The following ARID3B variants were observed in gnomAD, a reference collection of about 807,000 sequenced individuals.
ARID3B encodes AT-rich interactive domain-containing protein 3B.
ARID3B carries 10 observed loss-of-function variants against 51.9 expected under a neutral mutation model. The observed-to-expected ratio is 0.19, with a 90% CI of 0.12 to 0.33. The LOEUF (loss-of-function observed/expected upper bound fraction) is 0.33, where lower values mean the gene tolerates loss of function less well. Among genes scored for constraint, ARID3B ranks in the 10% least tolerant of loss-of-function variants. ARID3B has a pLI of 1.00. For missense variants in ARID3B, 483 were observed against 716.3 expected (o/e 0.67, Z 3.72); for synonymous variants, 205 against 279.5 (o/e 0.73, Z 2.66).
chr15:74,544,581 C>T, intron 2 of ARID3B, 93 bp downstream of exon 2: 1 of 1,315,030 alleles, frequency 7.6e-7, no homozygotes, highest in Non-Finnish European at 1.0e-6. Context: ...CCAGTCTGTG[C>T]CTTCTCACCC....
chr15:74,579,872 T>TGTGTGC (rs1488209764), intron 4 of ARID3B, among the ~76,000 whole-genome samples: 1,234 of 118,874 alleles, frequency 0.01, 8 homozygotes, highest in Non-Finnish European at 0.015. Context: ...TGTGTGTGTG[T>TGTGTGC]GCGCGCGCGC....
At chr15:74,568,011 G>A (rs2061705914) in intron 2 of ARID3B, among the ~76,000 whole-genome samples, 1 of 152,180 alleles carries the variant, frequency 6.6e-6, no homozygotes, top group Non-Finnish European at 1.5e-5. Context: ...CAGAGGTGTA[G>A]CCCTCTTCTC....
At chr15:74,545,826 TC>T (rs1308033447) in intron 2 of ARID3B, among the ~76,000 whole-genome samples, 4 of 152,164 alleles carry the variant, frequency 2.6e-5, no homozygotes, top group Admixed American at 1.3e-4. Flanking sequence ...GGGATTCAAA[TC>T]CCATCACTTC....
chr15:74,589,123 G>A lies in ARID3B; in HGVS notation c.698-697G>A, dbSNP rs189273055. On this transcript the variant is annotated intron_variant, in intron 4 of 8. Coordinates refer to ENST00000346246, the MANE Select transcript of ARID3B (RefSeq NM_006465.4). Reference sequence around the variant, plus strand: ...GCTCACTGCAAGCTCCGCCTCCCGGGTTCATGCCATTCTCCTGTCTCAGCC... The same window carrying A: ...GCTCACTGCAAGCTCCGCCTCCCGGATTCATGCCATTCTCCTGTCTCAGCC... Among the ~76,000 whole-genome samples the A allele has an allele frequency of 3.9e-4, 56 of 144,258 alleles. No individual in the cohort carries two copies. The East Asian group carries it at 9.0e-3, about 23-fold the overall frequency. The allele number at this position is 144,258 out of a possible 152,430, so 94.6% of individuals were successfully genotyped here.
intron 1 of ARID3B, 39 bp from the exon 2 acceptor site, chr15:74,543,821 T>C: frequency 7.2e-7 from 1 of 1,385,764 alleles, no homozygotes; most frequent in Admixed American, 2.3e-5. Flanking sequence ...ATGGTTGTTT[T>C]TTCCCCCTCC....
chr15:74,546,811 G>C (rs2061617584), intron 2 of ARID3B, among the ~76,000 whole-genome samples: 1 of 152,142 alleles, frequency 6.6e-6, no homozygotes, highest in Admixed American at 6.5e-5. Context: ...CTGAACTGGG[G>C]GGCTTTGGGT....
chr15:74,576,197 T>C (rs182213366), intron 4 of ARID3B, among the ~76,000 whole-genome samples: 84 of 152,242 alleles, frequency 5.5e-4, no homozygotes, highest in Admixed American at 4.9e-3. Context: ...ACCTGGTTAC[T>C]GTAGGACGTT....
At chr15:74,582,361 T>A (rs2061765147) in intron 4 of ARID3B, among the ~76,000 whole-genome samples, 1 of 152,008 alleles carries the variant, frequency 6.6e-6, no homozygotes, top group African/African-American at 2.4e-5. Flanking sequence ...ATAGATGGGG[T>A]GTCACCATGC....
In ARID3B at chr15:74,591,379, CAGTGGT is replaced by C; in HGVS notation, c.1112_1117del (p.Ser371_Gly372del). ...TTCCCATCCTTGGGCTTGGCTCCAG[CAGTGGT>C]ACCAATACCAGTAGCCCTCGGATAT... On this transcript the variant is annotated inframe_deletion, in exon 6 of 9. Coordinates refer to ENST00000346246, the MANE Select transcript of ARID3B (RefSeq NM_006465.4). The surrounding 1 kb of genome is among the most constrained non-coding windows in gnomAD (Gnocchi z 5.8). 1 of 1,614,040 alleles carries C rather than the reference CAGTGGT, an allele frequency of 6.2e-7. No individual in the cohort carries two copies.
Position 74,596,739 on chromosome 15 carries a change from C to T in ARID3B, c.*965C>T, listed in dbSNP as rs774933836. The T allele has an allele frequency of 2.6e-5, 6 of 233,470 alleles. No homozygotes were observed. Among genetic ancestry groups the T allele is most frequent in the Non-Finnish European group, 3.4e-5 (4 of 117,996 alleles). 14.5% of individuals were successfully genotyped at this position (233,470 alleles called of 1,614,324 possible). ...GATTTGTAATTGTTGATGTTTGAGTCTTCAGGAAGTATTTGCATCTCTGAA... is the reference window on the plus strand; with the variant it reads ...GATTTGTAATTGTTGATGTTTGAGTTTTCAGGAAGTATTTGCATCTCTGAA... On this transcript the variant is annotated 3_prime_UTR_variant, in exon 9 of 9. Coordinates refer to ENST00000346246, the MANE Select transcript of ARID3B (RefSeq NM_006465.4).
rs1464086228 is a variant in ARID3B, at chr15:74,596,608, A to T, written c.*834A>T. 1.3e-5 allele frequency: 3 copies of T among 233,318 alleles called. No homozygotes were observed. The highest frequency in any genetic ancestry group is 2.5e-5 in the Non-Finnish European group (3 of 118,042). 14.5% of individuals were successfully genotyped at this position (233,318 alleles called of 1,614,324 possible). On this transcript the variant is annotated 3_prime_UTR_variant, in exon 9 of 9. Transcript: ENST00000346246. ...TCTTCAGCCCTCCCCAGTCCTCCCC[A>T]GCCTTCTTCAGCCTTCTTCAGCTCA...
At chr15:74,588,136 A>T (rs2061787832) in intron 4 of ARID3B, among the ~76,000 whole-genome samples, 1 of 151,916 alleles carries the variant, frequency 6.6e-6, no homozygotes, top group Admixed American at 6.6e-5. Flanking sequence ...CCAGCTACTT[A>T]AGAGGCTGAG....
At chr15:74,550,243 T>C (rs540963806) in intron 2 of ARID3B, among the ~76,000 whole-genome samples, 2 of 152,304 alleles carry the variant, frequency 1.3e-5, no homozygotes, top group South Asian at 4.1e-4. Context: ...CTCCATGATA[T>C]CTTTGATATC....
intron 2 of ARID3B, among the ~76,000 whole-genome samples, chr15:74,554,330 CCTCT>C (rs960180995): frequency 2.7e-5 from 4 of 145,526 alleles, no homozygotes; most frequent in South Asian, 2.2e-4. Flanking sequence ...TGAGATGGAG[CCTCT>C]CTCTGTCACC....
At chr15:74,574,579 C>CTT (rs2061730554) in intron 4 of ARID3B, 13 of 152,062 alleles carry the variant, frequency 8.5e-5, no homozygotes, top group Admixed American at 8.5e-4. Context: ...TGTTGGTTTG[C>CTT]GTAAAAAAGG....
At position 74,591,555 on chromosome 15, in the gene ARID3B, T is replaced by G. The variant is rs1277648760; in HGVS notation, c.1166-5T>G. ...TGGATTGGTCCAGCTCCAGTTCCTT[T>G]GCAGGTGATGGAGCCCCAGTGACAA... On this transcript the variant is annotated splice_region_variant and splice_polypyrimidine_tract_variant and intron_variant, in intron 6 of 8. Coordinates refer to ENST00000346246, the MANE Select transcript of ARID3B (RefSeq NM_006465.4). The surrounding 1 kb of genome is among the most constrained non-coding windows in gnomAD (Gnocchi z 5.8). 2 of 1,610,722 alleles carry G rather than the reference T, an allele frequency of 1.2e-6. No homozygotes were observed. The highest frequency in any genetic ancestry group is 2.2e-5 in the South Asian group (2 of 90,944).
At chr15:74,590,139 T>C in intron 5 of ARID3B, 136 bp downstream of exon 5, 1 of 1,045,840 alleles carries the variant, frequency 9.6e-7, no homozygotes, top group South Asian at 1.8e-5. Flanking sequence ...GGGAGCTTTC[T>C]GAGATGAATC....
chr15:74,590,659 C>T (rs907490512), intron 5 of ARID3B, among the ~76,000 whole-genome samples: 2 of 152,204 alleles, frequency 1.3e-5, no homozygotes, highest in Non-Finnish European at 2.9e-5. Flanking sequence ...GAACAACTGA[C>T]ATCAGTTAGG....
intron 7 of ARID3B, among the ~76,000 whole-genome samples, chr15:74,592,721 T>G (rs76654629): frequency 6.6e-6 from 1 of 152,318 alleles, no homozygotes; most frequent in African/African-American, 2.4e-5. Flanking sequence ...GACTCCTCTC[T>G]CTGAGGGACT....
Sources: allele counts gnomAD v4.1 joint callset (sites outside exome capture counted in the v4.1 genomes callset), GRCh38; gene constraint gnomAD v4.1.1; non-coding constraint Gnocchi (gnomAD v3.1); transcripts MANE v1.5; gene names NCBI Gene and HGNC (gene_info 2026-07-23, HGNC 2026-07-21).